GRIPAP1: variants seen among roughly 807,000 people sequenced by gnomAD.
GRIPAP1 encodes the protein GRIP1 associated protein 1.
GRIPAP1 carries 14 observed loss-of-function variants against 84.1 expected under a neutral mutation model. The ratio of observed to expected loss-of-function variants is 0.17; its 90% confidence interval spans 0.11 to 0.26. The LOEUF is 0.26. GRIPAP1 is among the 10% of genes least tolerant of loss of function. The pLI is 1.00. For synonymous variants in GRIPAP1, 261 were observed against 256.8 expected, an observed-to-expected ratio of 1.02 and a Z score of -0.15; for missense variants, 518 against 674.2, an observed-to-expected ratio of 0.77 and a Z score of 2.57.
chrX:48,985,160 G>A, intron 14 of GRIPAP1, 108 bp downstream of exon 14: 1 of 638,978 alleles, frequency 1.6e-6, no homozygotes, highest in Non-Finnish European at 2.4e-6. Context: ...GAGCCAGACT[G>A]GAACCTAGGT....
intron 5 of GRIPAP1, among the ~76,000 whole-genome samples, chrX:48,994,557 C>T (rs1056660819): frequency 1.8e-5 from 2 of 111,756 alleles, no homozygotes; most frequent in African/African-American, 6.5e-5. Context: ...AACACCAATC[C>T]TCTCATCCAG....
chrX:48,978,373 T>A lies in GRIPAP1; in HGVS notation c.1993A>T (p.Ser665Cys). 8.3e-7 allele frequency: 1 copy of A among 1,208,137 alleles called. No homozygotes were observed. The highest frequency in any genetic ancestry group is 1.1e-6 in the Non-Finnish European group (1 of 892,888). The change falls in exon 22 of 26, where the codon AGT becomes TGT. Residue 665 changes from serine (S) to cysteine (C), a missense_variant. This residue lies in a region of GRIPAP1 where 66 missense variants were observed against 65.2 expected (regional missense o/e 1.01). Transcript: ENST00000376423. ...SPSRTQTGDS[S>C]SISSFSYREI... ...CGGTAGCTGAAGGAGGAGATGCTAC[T>A]GCTGTCCCCTGTCTGGGTCCGGCTT...
At chrX:48,995,849 C>T (rs1357705496) in intron 5 of GRIPAP1, among the ~76,000 whole-genome samples, 2 of 111,315 alleles carry the variant, frequency 1.8e-5, no homozygotes, top group Middle Eastern at 4.2e-3. Context: ...CCTGCCTTGG[C>T]CTCCCAAAGT....
Position 48,983,302 on chromosome X carries a change from G to A in GRIPAP1, c.1411C>T (p.Arg471Cys), listed in dbSNP as rs1602470587. Residue 471 changes from arginine (R) to cysteine (C), a missense_variant, in exon 16 of 26, where the codon CGT (arginine) becomes TGT (cysteine). By Grantham distance (180) the Arg-to-Cys change is radical (BLOSUM62 -3). Around this residue, in one of 5 missense-constraint regions of GRIPAP1, gnomAD observed 372 missense variants for 458.1 expected, o/e 0.81. Coordinates refer to ENST00000376423, the MANE Select transcript of GRIPAP1 (RefSeq NM_020137.5). ...EVLGVRARYE[R>C]ELRELHEDKK... Reference sequence around the variant, plus strand: ...TCTTCATGCAGCTCTCGGAGCTCACGCTCATAGCGGGCACGCACCCCCAGC... The same window carrying A: ...TCTTCATGCAGCTCTCGGAGCTCACACTCATAGCGGGCACGCACCCCCAGC... The A allele has an allele frequency of 8.3e-7, 1 of 1,211,966 alleles. No individual in the cohort carries two copies. The highest frequency in any genetic ancestry group is 1.1e-6 in the Non-Finnish European group (1 of 895,310).
At chrX:48,991,698 C>T (rs1172115259) in intron 6 of GRIPAP1, among the ~76,000 whole-genome samples, 2 of 112,107 alleles carry the variant, frequency 1.8e-5, no homozygotes, top group African/African-American at 6.5e-5. Flanking sequence ...ATTAGCTGGG[C>T]GTGGTGGCGC....
intron 21 of GRIPAP1, among the ~76,000 whole-genome samples, chrX:48,979,814 G>A (rs994172004): frequency 2.7e-5 from 3 of 109,565 alleles, no homozygotes; most frequent in East Asian, 2.9e-4. Flanking sequence ...GGGTTTCACC[G>A]TGTTGGCCAG....
Position 48,988,170 on chromosome X carries a change from T to A in GRIPAP1, c.899A>T (p.Gln300Leu). The A allele has an allele frequency of 8.3e-7, 1 of 1,199,714 alleles. No homozygotes were observed. Among genetic ancestry groups the A allele is most frequent in the Non-Finnish European group, 1.1e-6 (1 of 889,623 alleles). Residue 300 changes from glutamine (Q) to leucine (L), a missense_variant, in exon 12 of 26, where the codon CAG becomes CTG. Gln to Leu is a moderately radical substitution (Grantham distance 113). Around this residue, in one of 5 missense-constraint regions of GRIPAP1, gnomAD observed 372 missense variants for 458.1 expected, o/e 0.81. Transcript: ENST00000376423. ...QSLAELRDQR[Q>L]GERLEHAAAL... ...TGCTGCATGTTCCAGGCGCTCCCCC[T>A]GCCGCTGATCTCTCAGCTCTGCCAA... is the stretch of plus-strand genomic sequence containing the variant.
At chrX:49,001,850 C>T in intron 1 of GRIPAP1, among the ~76,000 whole-genome samples, 1 of 110,570 alleles carries the variant, frequency 9.0e-6, no homozygotes, top group Non-Finnish European at 1.9e-5. Flanking sequence ...GTTTCGCCTT[C>T]TCAGGATCTC....
At chrX:48,983,666 C>T (rs1390249813) in intron 15 of GRIPAP1, 109 bp downstream of exon 15, 1 of 587,939 alleles carries the variant, frequency 1.7e-6, no homozygotes, top group African/African-American at 2.2e-5. Context: ...AGTCAATTTT[C>T]CTTTCCCTCC....
chrX:48,979,327 A>G (rs962649610), intron 21 of GRIPAP1, among the ~76,000 whole-genome samples: 26 of 105,616 alleles, frequency 2.5e-4, no homozygotes, highest in African/African-American at 8.6e-4. Context: ...AATACAAAAA[A>G]TTAGGTGGGC....
At position 48,983,766 on chromosome X, in the gene GRIPAP1, T is replaced by TA; in HGVS notation, c.1272+8_1272+9insT. The stretch of plus-strand genomic sequence containing the variant: ...CCATCCTCTCCCTTCAACCCTCATG[T>TA]TCCCCTACCTTCCGAGCCTCCTGTA... On this transcript the variant is annotated intron_variant, in intron 15 of 25. Transcript: ENST00000376423. 1 of 1,061,989 alleles carries TA rather than the reference T, an allele frequency of 9.4e-7. No individual in the cohort carries two copies. Among genetic ancestry groups the TA allele is most frequent in the Non-Finnish European group, 1.3e-6 (1 of 759,394 alleles). The allele number at this position is 1,061,989 out of a possible 1,213,427, so 87.5% of individuals were successfully genotyped here.
intron 6 of GRIPAP1, 82 bp from the exon 7 acceptor site, chrX:48,991,192 C>T: frequency 1.5e-6 from 1 of 669,692 alleles, no homozygotes. Context: ...GGAGAACTGG[C>T]CTTCAACCCC....
intron 21 of GRIPAP1, 91 bp from the exon 22 acceptor site, chrX:48,978,526 G>C: frequency 2.5e-6 from 2 of 803,814 alleles, no homozygotes; most frequent in Non-Finnish European, 3.4e-6. Context: ...AGATTTAACA[G>C]AGATGGAAAG....
intron 1 of GRIPAP1, chrX:49,000,886 C>T (rs1242184146): frequency 1.8e-5 from 2 of 109,813 alleles, no homozygotes; most frequent in Non-Finnish European, 3.8e-5. Context: ...TGCTCAAGGT[C>T]AGAGGGCTTG....
intron 22 of GRIPAP1, 26 bp downstream of exon 22, chrX:48,978,279 G>A (rs1557060988): frequency 2.5e-6 from 3 of 1,206,424 alleles, no homozygotes; most frequent in Non-Finnish European, 3.4e-6. Context: ...AGAAGCTGGA[G>A]CTGTAGGTTC....
chrX:48,993,116 G>A (rs782251040), intron 6 of GRIPAP1, among the ~76,000 whole-genome samples: 31 of 112,819 alleles, frequency 2.7e-4, no homozygotes, highest in Middle Eastern at 4.6e-3. Context: ...CACCGCGCCC[G>A]GCCGCAAATA....
Position 48,981,892 on chromosome X carries a change from T to G in GRIPAP1, c.1600-20A>C. Reference sequence around the variant, plus strand: ...GGATTCCTACAAGACAAGTCCCAGGTCTGGCCACAGCCCCCCAGAAGGTAT... The same window carrying G: ...GGATTCCTACAAGACAAGTCCCAGGGCTGGCCACAGCCCCCCAGAAGGTAT... On this transcript the variant is annotated intron_variant, in intron 17 of 25. Coordinates refer to ENST00000376423, the MANE Select transcript of GRIPAP1 (RefSeq NM_020137.5). 9.1e-7 allele frequency: 1 copy of G among 1,094,434 alleles called. No homozygotes were observed. The highest frequency in any genetic ancestry group is 1.2e-6 in the Non-Finnish European group (1 of 812,606). The allele number at this position is 1,094,434 out of a possible 1,213,427, so 90.2% of individuals were successfully genotyped here. A position where few individuals can be genotyped will look rare whatever the true frequency, so the allele number is the denominator to read the frequency against.
At position 48,974,034 on chromosome X, in the gene GRIPAP1, C is replaced by T. The variant is rs1557059670; in HGVS notation, c.*159G>A. On this transcript the variant is annotated 3_prime_UTR_variant, in exon 26 of 26. Coordinates refer to ENST00000376423, the MANE Select transcript of GRIPAP1 (RefSeq NM_020137.5). ...CTCCCTGGTGGCCTCTGCCCTAAGA[C>T]AGGATCATTAACACTAACCATCAGG... 2.4e-6 allele frequency: 1 copy of T among 415,575 alleles called. No homozygotes were observed. Among genetic ancestry groups the T allele is most frequent in the African/African-American group, 2.5e-5 (1 of 40,090 alleles). The allele number at this position is 415,575 out of a possible 1,213,427, so 34.2% of individuals were successfully genotyped here.
rs1557065191 is a variant in GRIPAP1, at chrX:48,990,669, A to G, written c.690+16T>C. 1 of 1,184,749 alleles carries G rather than the reference A, an allele frequency of 8.4e-7. No homozygotes were observed. The highest frequency in any genetic ancestry group is 3.0e-5 in the East Asian group (1 of 33,341). On this transcript the variant is annotated intron_variant, in intron 8 of 25. Coordinates refer to ENST00000376423, the MANE Select transcript of GRIPAP1 (RefSeq NM_020137.5). Reference sequence around the variant, plus strand: ...GCAGATTGGGAGCAGAATGGGAAAGAGCCAAGCAGCCGCACCTTAGCAAGT... The same window carrying G: ...GCAGATTGGGAGCAGAATGGGAAAGGGCCAAGCAGCCGCACCTTAGCAAGT...
Sources: allele counts gnomAD v4.1 joint callset (sites outside exome capture counted in the v4.1 genomes callset), GRCh38; gene constraint gnomAD v4.1.1; regional missense constraint gnomAD v4.1.1; transcripts MANE v1.5; gene names NCBI Gene and HGNC (gene_info 2026-07-23, HGNC 2026-07-21).